The following GATAD2A variants were observed in gnomAD, a reference collection of about 807,000 sequenced individuals.
GATAD2A encodes the protein GATA zinc finger domain containing 2A, also known as transcriptional repressor p66-alpha.
GATAD2A carries 12 observed loss-of-function variants against 68.5 expected under a neutral mutation model. That is an observed-to-expected ratio of 0.18 (90% confidence interval 0.11 to 0.28). The LOEUF (loss-of-function observed/expected upper bound fraction) is 0.28, where lower values mean the gene tolerates loss of function less well. Ranked by LOEUF, GATAD2A falls within the 10% of genes least tolerant of loss-of-function variation. The pLI is 1.00. For missense variants in GATAD2A, 755 were observed against 868.5 expected, an observed-to-expected ratio of 0.87 and a Z score of 1.64; for synonymous variants, 410 against 375.3, an observed-to-expected ratio of 1.09 and a Z score of -1.07.
At chr19:19,467,845 G>T (rs1001511951) in intron 2 of GATAD2A, among the ~76,000 whole-genome samples, 2 of 152,218 alleles carry the variant, frequency 1.3e-5, no homozygotes, top group African/African-American at 4.8e-5. Flanking sequence ...TATGTTGGAT[G>T]ATTTGGAGCA....
At chr19:19,426,734 G>A (rs960307900) in intron 1 of GATAD2A, among the ~76,000 whole-genome samples, 13 of 152,092 alleles carry the variant, frequency 8.5e-5, no homozygotes, top group Admixed American at 8.5e-4. Flanking sequence ...GGCAGGTCTC[G>A]AACTTCTGGC....
chr19:19,486,387 G>C lies in GATAD2A; in HGVS notation c.270-5919G>C, dbSNP rs2059429313. ...ATCCAAAAGAAAATCACTCCTGCAT[G>C]CTCCTATCCCCTTCAAGGTTGCATC... On this transcript the variant is annotated intron_variant, in intron 2 of 11. Coordinates refer to ENST00000683918, the MANE Select transcript of GATAD2A (RefSeq NM_001384528.1). 2.6e-5 allele frequency among the ~76,000 whole-genome samples: 4 copies of C among 152,332 alleles called. 1 individual carries two copies. In the South Asian group the frequency reaches 8.3e-4, roughly 32 times the overall value.
intron 2 of GATAD2A, among the ~76,000 whole-genome samples, chr19:19,490,846 C>T (rs1332692896): frequency 1.3e-5 from 2 of 152,136 alleles, no homozygotes; most frequent in Admixed American, 6.5e-5. Flanking sequence ...GATTGCACTA[C>T]GGCACTCCAG....
In GATAD2A at chr19:19,444,376, C is replaced by G. The variant is rs1030126859; in HGVS notation, c.-6-20964C>G. Among the ~76,000 whole-genome samples, 10 of 152,112 alleles carry G rather than the reference C, an allele frequency of 6.6e-5. 1 individual carries two copies. Among genetic ancestry groups the G allele is most frequent in the South Asian group, 2.1e-4 (1 of 4,816 alleles). On this transcript the variant is annotated intron_variant, in intron 1 of 11. Transcript: ENST00000683918. ...TGTGTGAGGGACTTCAACCCTGCCT[C>G]TCTCCGGTATGTGCTGTGCCTGCTG...
At chr19:19,412,144 ATTTTTAATTTTT>A (rs1309142994) in intron 1 of GATAD2A, among the ~76,000 whole-genome samples, 1 of 134,784 alleles carries the variant, frequency 7.4e-6, no homozygotes, top group Non-Finnish European at 1.6e-5. Flanking sequence ...TTTTTTTTTA[ATTTTTAATTTTT>A]TTTTTAATTT....
intron 1 of GATAD2A, among the ~76,000 whole-genome samples, chr19:19,396,442 C>G (rs1016129630): frequency 1.3e-5 from 2 of 152,218 alleles, no homozygotes; most frequent in Non-Finnish European, 2.9e-5. Flanking sequence ...CTGAGCATGT[C>G]TGAAGGCCAG....
At chr19:19,430,976 G>GGTGTGTGTGTGTGTGTGTGTGT (rs71170687) in intron 1 of GATAD2A, among the ~76,000 whole-genome samples, 5 of 136,778 alleles carry the variant, frequency 3.7e-5, no homozygotes, top group African/African-American at 1.4e-4. Flanking sequence ...GTATGGTAGG[G>GGTGTGTGTGTGTGTGTGTGTGT]GTGTGTGTGT....
Position 19,505,395 on chromosome 19 carries a change from C to T in GATAD2A, c.1826C>T (p.Ser609Leu), listed in dbSNP as rs371061090. 57 of 1,612,732 alleles carry T rather than the reference C, an allele frequency of 3.5e-5. No individual in the cohort carries two copies. The East Asian group carries it at 5.1e-4, about 15-fold the overall frequency. ...SPSLAVHKSS[S>L]AVDRQREYLL... ...AGCCTGGCGGTGCACAAGAGCTCCTCGGCCGTGGACCGCCAGCGAGAGTAC... is the reference window on the plus strand; with the variant it reads ...AGCCTGGCGGTGCACAAGAGCTCCTTGGCCGTGGACCGCCAGCGAGAGTAC... Residue 609 changes from serine (S) to leucine (L), a missense_variant, in exon 12 of 12, where the codon TCG (serine) becomes TTG (leucine). Coordinates refer to ENST00000683918, the MANE Select transcript of GATAD2A (RefSeq NM_001384528.1).
Position 19,496,062 on chromosome 19 carries a change from G to A in GATAD2A, c.767G>A (p.Ser256Asn), listed in dbSNP as rs577666541. 6.2e-7 allele frequency: 1 copy of A among 1,613,842 alleles called. No homozygotes were observed. Among genetic ancestry groups the A allele is most frequent in the Admixed American group, 1.7e-5 (1 of 60,024 alleles). The change falls in exon 7 of 12, where the codon AGC becomes AAC. Residue 256 changes from serine (S) to asparagine (N), a missense_variant. Physicochemically the swap from Ser to Asn is conservative, Grantham distance 46. Coordinates refer to ENST00000683918, the MANE Select transcript of GATAD2A (RefSeq NM_001384528.1). ...ACCCTACCCCAACAGCAAATCCACAGCATTAGGCAACATTCCAGCACAGGG... is the reference window on the plus strand; with the variant it reads ...ACCCTACCCCAACAGCAAATCCACAACATTAGGCAACATTCCAGCACAGGG... ...PLVRGAQQIH[S>N]IRQHSSTGPP...
chr19:19,505,634 C>A lies in GATAD2A; in HGVS notation c.*160C>A. On this transcript the variant is annotated 3_prime_UTR_variant, in exon 12 of 12. Coordinates refer to ENST00000683918, the MANE Select transcript of GATAD2A (RefSeq NM_001384528.1). ...GCAGAGGCAAGACCTCAATTCTTGG[C>A]TGCAAAGTTTCATCAGGGCTAGGGG... 1 of 618,020 alleles carries A rather than the reference C, an allele frequency of 1.6e-6. No individual in the cohort carries two copies. The highest frequency in any genetic ancestry group is 2.4e-5 in the South Asian group (1 of 41,196). 38.3% of individuals were successfully genotyped at this position (618,020 alleles called of 1,614,324 possible).
At chr19:19,500,031 G>C (rs2148477711) in intron 8 of GATAD2A, among the ~76,000 whole-genome samples, 1 of 152,342 alleles carries the variant, frequency 6.6e-6, no homozygotes, top group South Asian at 2.1e-4. Flanking sequence ...GCCTCTCCTT[G>C]CCCCTGCCTG....
chr19:19,416,163 G>C (rs868402215), intron 1 of GATAD2A, among the ~76,000 whole-genome samples: 3 of 152,102 alleles, frequency 2.0e-5, no homozygotes, highest in Non-Finnish European at 4.4e-5. Context: ...AGTGATATGT[G>C]GGTGACCATT....
At position 19,483,542 on chromosome 19, in the gene GATAD2A, C is replaced by T. The variant is rs146175263; in HGVS notation, c.270-8764C>T. 2.1e-3 allele frequency among the ~76,000 whole-genome samples: 324 copies of T among 151,868 alleles called. 2 individuals are homozygous for T. Among genetic ancestry groups the T allele is most frequent in the South Asian group, 0.016 (78 of 4,808 alleles). The stretch of plus-strand genomic sequence containing the variant: ...GGAACCGCAGAGGGGCTGCGGCTGG[C>T]GAGAAGCAGGTGGGCCTCAGGGCAT... On this transcript the variant is annotated intron_variant, in intron 2 of 11. Transcript: ENST00000683918.
chr19:19,441,325 A>G (rs1365522468), intron 1 of GATAD2A, among the ~76,000 whole-genome samples: 1 of 152,210 alleles, frequency 6.6e-6, no homozygotes, highest in Non-Finnish European at 1.5e-5. Context: ...AAGTAATGTC[A>G]TTAAGAACCA....
At chr19:19,428,573 G>T (rs2053358785) in intron 1 of GATAD2A, among the ~76,000 whole-genome samples, 1 of 152,184 alleles carries the variant, frequency 6.6e-6, no homozygotes, top group South Asian at 2.1e-4. Flanking sequence ...TGGGCAGAAT[G>T]TGCTAGGAGG....
upstream of GATAD2A, among the ~76,000 whole-genome samples, chr19:19,405,063 CT>C (rs1175804219): frequency 2.0e-5 from 3 of 152,070 alleles, no homozygotes; most frequent in Non-Finnish European, 4.4e-5. Context: ...TGCAGATTTG[CT>C]TTCTTGAGGG....
chr19:19,476,197 C>T (rs1438687141), intron 2 of GATAD2A, among the ~76,000 whole-genome samples: 1 of 152,184 alleles, frequency 6.6e-6, no homozygotes, highest in South Asian at 2.1e-4. Flanking sequence ...ATATGGACAT[C>T]GAGGTAATCA....
chr19:19,504,274 T>C (rs972841793), intron 11 of GATAD2A, among the ~76,000 whole-genome samples: 2 of 152,242 alleles, frequency 1.3e-5, no homozygotes, highest in South Asian at 4.1e-4. Flanking sequence ...GGGGCATTTA[T>C]TTATTTTCCA....
At position 19,453,730 on chromosome 19, in the gene GATAD2A, G is replaced by A. The variant is rs556275265; in HGVS notation, c.-6-11610G>A. Among the ~76,000 whole-genome samples the A allele has an allele frequency of 7.3e-5, 11 of 150,940 alleles. No homozygotes were observed. In the East Asian group the frequency reaches 1.2e-3, roughly 16 times the overall value. On this transcript the variant is annotated intron_variant, in intron 1 of 11. Transcript: ENST00000683918. ...CTTGCTCCGTCGCCCAGGCTGGAGC[G>A]CAGTGGAGCAATCTCAGCTCACTGC...
Sources: allele counts gnomAD v4.1 joint callset (sites outside exome capture counted in the v4.1 genomes callset), GRCh38; gene constraint gnomAD v4.1.1; transcripts MANE v1.5; gene names NCBI Gene and HGNC (gene_info 2026-07-23, HGNC 2026-07-21).